The following CDH6 variants were observed in gnomAD, a reference collection of about 807,000 sequenced individuals.
CDH6 encodes cadherin-6.
A neutral mutation model predicts 78.0 loss-of-function variants in CDH6; 31 were observed. The ratio of observed to expected loss-of-function variants is 0.40; its 90% CI spans 0.30 to 0.54. The LOEUF (loss-of-function observed/expected upper bound fraction) is 0.54, where lower values mean the gene tolerates loss of function less well. CDH6 is among the 20% of genes least tolerant of loss of function. CDH6 has a pLI of 0.56. For synonymous variants in CDH6, 376 were observed against 368.8 expected (o/e 1.02, Z -0.23); for missense variants, 724 against 975.9 (o/e 0.74, Z 3.44).
chr5:31,245,077 C>G (rs966882052), intron 1 of CDH6, among the ~76,000 whole-genome samples: 11 of 152,162 alleles, frequency 7.2e-5, no homozygotes, highest in African/African-American at 2.7e-4. Flanking sequence ...ACAGAAGAAC[C>G]ACATCTCTTG....
At chr5:31,203,654 A>G (rs1740433906) in intron 1 of CDH6, among the ~76,000 whole-genome samples, 1 of 151,576 alleles carries the variant, frequency 6.6e-6, no homozygotes. Context: ...TCATTGATGG[A>G]CATTTGGGTT....
chr5:31,219,295 A>G lies in CDH6; in HGVS notation c.-129+25409A>G, dbSNP rs574519516. Among the ~76,000 whole-genome samples, 9 of 152,266 alleles carry G rather than the reference A, an allele frequency of 5.9e-5. No homozygotes were observed. The East Asian group carries it at 1.7e-3, about 29-fold the overall frequency. On this transcript the variant is annotated intron_variant, in intron 1 of 11. Transcript: ENST00000265071. Reference sequence around the variant, plus strand: ...CACAATTGTGCAAGCTAGTTCCTTAAAGTCTCTCTCTCTAGATAGGTAGGT... The same window carrying G: ...CACAATTGTGCAAGCTAGTTCCTTAGAGTCTCTCTCTCTAGATAGGTAGGT...
At chr5:31,283,811 C>T (rs1403447917) in intron 2 of CDH6, among the ~76,000 whole-genome samples, 3 of 138,416 alleles carry the variant, frequency 2.2e-5, no homozygotes, top group African/African-American at 7.5e-5. Context: ...TTTCTAGATT[C>T]TCTCTTTTTT....
At chr5:31,302,935 G>GA (rs1366058699) in intron 6 of CDH6, among the ~76,000 whole-genome samples, 4 of 128,328 alleles carry the variant, frequency 3.1e-5, no homozygotes, top group African/African-American at 5.2e-5. Flanking sequence ...AAGAAAGAAA[G>GA]AAAGAAAGAA....
At chr5:31,276,905 A>C (rs1244584035) in intron 2 of CDH6, among the ~76,000 whole-genome samples, 1 of 152,250 alleles carries the variant, frequency 6.6e-6, no homozygotes, top group Admixed American at 6.5e-5. Context: ...CTTACCAGTA[A>C]GGAACTAAAG....
intron 1 of CDH6, among the ~76,000 whole-genome samples, chr5:31,254,953 A>C (rs1742015204): frequency 1.3e-5 from 2 of 152,262 alleles, no homozygotes; most frequent in African/African-American, 4.8e-5. Flanking sequence ...ACCTATTAAA[A>C]TTAGAACTAA....
intron 2 of CDH6, among the ~76,000 whole-genome samples, chr5:31,270,225 C>A (rs1742483932): frequency 6.6e-6 from 1 of 152,122 alleles, no homozygotes; most frequent in Non-Finnish European, 1.5e-5. Context: ...AACGATTAGA[C>A]CAGAGCAGAG....
intron 2 of CDH6, among the ~76,000 whole-genome samples, chr5:31,283,492 C>T (rs924780472): frequency 6.6e-6 from 1 of 152,082 alleles, no homozygotes; most frequent in Non-Finnish European, 1.5e-5. Context: ...AGAATAGAAT[C>T]ATAATGAGTA....
chr5:31,317,693 A>C lies in CDH6; in HGVS notation c.1651A>C (p.Thr551Pro). The stretch of plus-strand genomic sequence containing the variant: ...TCCAGACAACACGGCGGGAATCTTA[A>C]CTCGGAAAAATGGCTATAATAGACA... ...DNKDNTAGIL[T>P]RKNGYNRHEM... Residue 551 changes from threonine (T) to proline (P), a missense_variant, in exon 11 of 12, where the codon ACT becomes CCT. Coordinates refer to ENST00000265071, the MANE Select transcript of CDH6 (RefSeq NM_004932.4). The C allele has an allele frequency of 6.2e-7, 1 of 1,610,114 alleles. No homozygotes were observed. Among genetic ancestry groups the C allele is most frequent in the Non-Finnish European group, 8.5e-7 (1 of 1,176,590 alleles).
At chr5:31,246,878 C>T (rs549784387) in intron 1 of CDH6, among the ~76,000 whole-genome samples, 1 of 152,234 alleles carries the variant, frequency 6.6e-6, no homozygotes, top group Admixed American at 6.5e-5. Flanking sequence ...CCTCAGCCTA[C>T]CAGGTAGCTT....
At chr5:31,197,507 C>A (rs185473564) in intron 1 of CDH6, among the ~76,000 whole-genome samples, 52 of 152,270 alleles carry the variant, frequency 3.4e-4, no homozygotes, top group Admixed American at 2.2e-3. Context: ...GTCTACTGAG[C>A]ACACTTTATT....
intron 7 of CDH6, among the ~76,000 whole-genome samples, chr5:31,311,451 T>A (rs1252599490): frequency 6.6e-6 from 1 of 152,206 alleles, no homozygotes; most frequent in Non-Finnish European, 1.5e-5. Flanking sequence ...TCTTTCTTCT[T>A]CTGAACCCTC....
intron 1 of CDH6, among the ~76,000 whole-genome samples, chr5:31,195,172 A>G (rs1740127685): frequency 6.6e-6 from 1 of 152,132 alleles, no homozygotes. Flanking sequence ...CACTTCGTAA[A>G]GCACACAGTG....
At chr5:31,285,728 A>G (rs1483698472) in intron 2 of CDH6, among the ~76,000 whole-genome samples, 8 of 152,222 alleles carry the variant, frequency 5.3e-5, no homozygotes, top group Non-Finnish European at 1.0e-4. Context: ...TTCACCATTA[A>G]CAGATGACTT....
In CDH6 at chr5:31,323,462, T is replaced by C; in HGVS notation, c.*154T>C. 1.2e-6 allele frequency: 1 copy of C among 850,698 alleles called. No homozygotes were observed. The highest frequency in any genetic ancestry group is 2.6e-5 in the East Asian group (1 of 37,862). The allele number at this position is 850,698 out of a possible 1,614,324, so 52.7% of individuals were successfully genotyped here. A position where few individuals can be genotyped will look rare whatever the true frequency, so the allele number is the denominator to read the frequency against. On this transcript the variant is annotated 3_prime_UTR_variant, in exon 12 of 12. Coordinates refer to ENST00000265071, the MANE Select transcript of CDH6 (RefSeq NM_004932.4). ...GTGGATCCAATGTTAGAGACTTTTT[T>C]CTAGTACACTTTTATGAGCTTCCAA...
chr5:31,223,529 T>C (rs1000801879), intron 1 of CDH6, among the ~76,000 whole-genome samples: 6 of 152,350 alleles, frequency 3.9e-5, no homozygotes, highest in African/African-American at 7.2e-5. Context: ...TCTTATTTTA[T>C]TCTTGTTTGT....
chr5:31,319,531 C>G (rs1561074150), intron 11 of CDH6, among the ~76,000 whole-genome samples: 1 of 152,174 alleles, frequency 6.6e-6, no homozygotes, highest in Non-Finnish European at 1.5e-5. Flanking sequence ...AGTAATGTAG[C>G]CAAGTCACGT....
chr5:31,281,889 T>C, intron 2 of CDH6, among the ~76,000 whole-genome samples: 1 of 152,136 alleles, frequency 6.6e-6, no homozygotes, highest in Non-Finnish European at 1.5e-5. Context: ...TTGGGTAAAT[T>C]ACTTAATCTC....
chr5:31,302,567 G>A (rs1181055252), intron 6 of CDH6: 1 of 260,040 alleles, frequency 3.8e-6, no homozygotes, highest in African/African-American at 2.1e-5. Flanking sequence ...ACAAAAATTA[G>A]CCAGGCGTGG....
Sources: gnomAD v4.1 joint callset for allele counts (sites outside exome capture counted in the v4.1 genomes callset) on GRCh38, gnomAD v4.1.1 for gene constraint, MANE v1.5 for transcripts, NCBI Gene and HGNC (gene_info 2026-07-23, HGNC 2026-07-21) for gene names.